The following PSPC1 variants were observed in gnomAD, a reference collection of about 807,000 sequenced individuals.
The protein encoded by PSPC1 is paraspeckle component 1.
Under a neutral mutation model 51.6 loss-of-function variants are expected in PSPC1, and 14 were observed. The observed-to-expected ratio is 0.27, with a 90% CI of 0.18 to 0.42. The LOEUF is 0.42. Among genes scored for constraint, PSPC1 ranks in the 10% least tolerant of loss-of-function variants. The pLI, the probability that PSPC1 is intolerant of heterozygous loss-of-function variation, is 1.00. For synonymous variants in PSPC1, 193 were observed against 231.9 expected, an observed-to-expected ratio of 0.83 and a Z score of 1.53; for missense variants, 406 against 701.1, an observed-to-expected ratio of 0.58 and a Z score of 4.75.
At chr13:19,700,547 A>C (rs985888008), downstream of PSPC1, among the ~76,000 whole-genome samples, 8 of 152,110 alleles carry the variant, frequency 5.3e-5, no homozygotes, top group Non-Finnish European at 1.0e-4. Flanking sequence ...TCAAGAAAAA[A>C]AATATGCATT....
intron 6 of PSPC1, among the ~76,000 whole-genome samples, chr13:19,712,768 C>T (rs3858740): frequency 0.97 from 146,862 of 152,164 alleles, 71,123 homozygotes; most frequent in East Asian, 1. Context: ...TATACTTGTA[C>T]TTAGTAATGT....
At chr13:19,757,129 CAA>C (rs56303316) in intron 3 of PSPC1, among the ~76,000 whole-genome samples, 134 of 109,990 alleles carry the variant, frequency 1.2e-3, no homozygotes, top group Non-Finnish European at 1.3e-3. Flanking sequence ...GACTCCGTCT[CAA>C]AAAAAAAAAA....
intron 5 of PSPC1, among the ~76,000 whole-genome samples, chr13:19,733,039 T>TAC (rs930314153): frequency 6.6e-6 from 1 of 152,178 alleles, no homozygotes; most frequent in African/African-American, 2.4e-5. Flanking sequence ...GGCCCACTTC[T>TAC]ACCACATAAT....
At chr13:19,777,791 CA>C (rs1417300392) in intron 1 of PSPC1, among the ~76,000 whole-genome samples, 12 of 152,018 alleles carry the variant, frequency 7.9e-5, no homozygotes, top group African/African-American at 2.7e-4. Context: ...ACTAAAAATA[CA>C]AAAATTAGCC....
intron 5 of PSPC1, among the ~76,000 whole-genome samples, chr13:19,740,739 T>C (rs563576376): frequency 3.9e-5 from 6 of 152,340 alleles, no homozygotes; most frequent in East Asian, 3.9e-4. Flanking sequence ...TGTGGGTTTA[T>C]ATATCTTGAA....
At chr13:19,713,360 C>A (rs958232372) in intron 6 of PSPC1, among the ~76,000 whole-genome samples, 7 of 151,934 alleles carry the variant, frequency 4.6e-5, no homozygotes, top group African/African-American at 1.7e-4. Flanking sequence ...CCTACTGTTA[C>A]CTCATTTTAG....
intron 1 of PSPC1, among the ~76,000 whole-genome samples, chr13:19,779,374 G>T (rs1438305239): frequency 9.1e-6 from 1 of 109,430 alleles, no homozygotes; most frequent in African/African-American, 3.4e-5. Flanking sequence ...GTCCGGGAGG[G>T]AGGTGGGGGG....
At chr13:19,679,442 G>A (rs1240903293) in intron 6 of PSPC1, among the ~76,000 whole-genome samples, 2 of 152,172 alleles carry the variant, frequency 1.3e-5, no homozygotes, top group South Asian at 2.1e-4. Context: ...GTTGAAGTGA[G>A]CTGAGATCAC....
chr13:19,673,342 TCAGAATTCAC>T, downstream of PSPC1: 1 of 301,666 alleles, frequency 3.3e-6, no homozygotes, highest in South Asian at 3.1e-5. Context: ...TGAAAACTTT[TCAGAATTCAC>T]GTTTGTGTAG....
At chr13:19,680,170 G>A (rs1877109394) in intron 6 of PSPC1, among the ~76,000 whole-genome samples, 1 of 152,002 alleles carries the variant, frequency 6.6e-6, no homozygotes, top group South Asian at 2.1e-4. Flanking sequence ...GCACACTACC[G>A]CGCCCAGCTA....
chr13:19,739,540 G>C (rs567317327), intron 5 of PSPC1, among the ~76,000 whole-genome samples: 9 of 152,168 alleles, frequency 5.9e-5, no homozygotes, highest in African/African-American at 2.2e-4. Context: ...CTGAGGACGG[G>C]AGTTCAAGAC....
chr13:19,671,863 G>A (rs747176475), downstream of PSPC1: 11 of 1,614,184 alleles, frequency 6.8e-6, no homozygotes. Context: ...CATACAGAGT[G>A]CAGCTGCAGT....
At position 19,771,256 on chromosome 13, in the gene PSPC1, C is replaced by G. The variant is rs565507665; in HGVS notation, c.674+986G>C. On this transcript the variant is annotated intron_variant, in intron 2 of 8. Coordinates refer to ENST00000338910, the MANE Select transcript of PSPC1 (RefSeq NM_001354909.2). ...GGGTTCAACCGATTCTGGTGACTCA[C>G]CCTCCCAAGTAGCTGGGATTACAGG... 1.4e-4 allele frequency among the ~76,000 whole-genome samples: 22 copies of G among 152,064 alleles called. No homozygotes were observed. The South Asian group carries it at 1.5e-3, about 10-fold the overall frequency.
downstream of PSPC1, chr13:19,673,363 A>C (rs1182027223): frequency 3.7e-6 from 1 of 273,208 alleles, no homozygotes; most frequent in African/African-American, 2.2e-5. Flanking sequence ...GTTTGTGTAG[A>C]TATTTCAGAG....
chr13:19,779,941 C>T (rs1370347728), intron 1 of PSPC1, among the ~76,000 whole-genome samples: 69 of 122,508 alleles, frequency 5.6e-4, no homozygotes, highest in African/African-American at 8.4e-4. Context: ...GGCCAGCCGC[C>T]CCGTCCGGGA....
intron 6 of PSPC1, among the ~76,000 whole-genome samples, chr13:19,723,210 C>A (rs1365924949): frequency 6.6e-6 from 1 of 151,918 alleles, no homozygotes; most frequent in Non-Finnish European, 1.5e-5. Flanking sequence ...CAGATATTCT[C>A]CAAAAGGAAA....
At chr13:19,773,125 A>G (rs1489160493) in intron 1 of PSPC1, among the ~76,000 whole-genome samples, 1 of 152,032 alleles carries the variant, frequency 6.6e-6, no homozygotes, top group African/African-American at 2.4e-5. Flanking sequence ...GCGCTACTGC[A>G]CTCCAGCCTG....
intron 6 of PSPC1, among the ~76,000 whole-genome samples, chr13:19,680,387 T>A (rs1877143059): frequency 1.3e-5 from 2 of 152,148 alleles, no homozygotes; most frequent in Non-Finnish European, 2.9e-5. Context: ...ACTAGAGTTC[T>A]GTTTAAACTG....
intron 6 of PSPC1, among the ~76,000 whole-genome samples, chr13:19,692,161 T>C (rs10047672): frequency 0.65 from 98,494 of 152,054 alleles, 35,444 homozygotes; most frequent in East Asian, 0.89. Context: ...TCTCACTCTA[T>C]TGCCCAGGCT....
Sources: allele counts gnomAD v4.1 joint callset (sites outside exome capture counted in the v4.1 genomes callset), GRCh38; gene constraint gnomAD v4.1.1; transcripts MANE v1.5; gene names NCBI Gene and HGNC (gene_info 2026-07-23, HGNC 2026-07-21).